Variants in ST6GALNAC3 observed in about 807,000 individuals in gnomAD.
ST6GALNAC3 encodes ST6 N-acetylgalactosaminide alpha-2,6-sialyltransferase 3, also known as alpha-N-acetylgalactosaminide alpha-2,6-sialyltransferase 3.
ST6GALNAC3 carries 25 observed loss-of-function variants against 32.7 expected under a neutral mutation model. That is an observed-to-expected ratio of 0.76 (90% CI 0.56 to 1.07). The LOEUF (loss-of-function observed/expected upper bound fraction) is 1.07. ST6GALNAC3 is among the 50% of genes least tolerant of loss of function. The pLI is 0.00. For missense variants in ST6GALNAC3, 355 were observed against 382.4 expected (o/e 0.93, Z 0.60); for synonymous variants, 129 against 133.1 (o/e 0.97, Z 0.21).
intron 1 of ST6GALNAC3, among the ~76,000 whole-genome samples, chr1:76,186,752 G>T (rs60164283): frequency 6.6e-6 from 1 of 152,050 alleles, no homozygotes; most frequent in Non-Finnish European, 1.5e-5. Flanking sequence ...CTGCAGCCTC[G>T]TGAGGGGCCC....
chr1:76,540,597 T>A (rs1157282987), intron 3 of ST6GALNAC3, among the ~76,000 whole-genome samples: 2 of 152,160 alleles, frequency 1.3e-5, no homozygotes, highest in African/African-American at 4.8e-5. Flanking sequence ...TGTTATTCTG[T>A]GTTGTGGGGC....
intron 3 of ST6GALNAC3, among the ~76,000 whole-genome samples, chr1:76,612,927 C>T (rs1648030591): frequency 6.6e-6 from 1 of 152,204 alleles, no homozygotes; most frequent in Non-Finnish European, 1.5e-5. Flanking sequence ...CGGAGAACTA[C>T]AGAAGCTTTC....
intron 2 of ST6GALNAC3, among the ~76,000 whole-genome samples, chr1:76,317,254 A>C (rs1646882364): frequency 6.6e-6 from 1 of 152,052 alleles, no homozygotes; most frequent in Non-Finnish European, 1.5e-5. Context: ...CCATGCTCTT[A>C]CTCCCAAATG....
intron 3 of ST6GALNAC3, among the ~76,000 whole-genome samples, chr1:76,603,152 T>A (rs1330417140): frequency 6.6e-6 from 1 of 152,176 alleles, no homozygotes; most frequent in South Asian, 2.1e-4. Context: ...TTGGTCCCAA[T>A]CCCTTGGAAA....
intron 3 of ST6GALNAC3, among the ~76,000 whole-genome samples, chr1:76,478,760 C>CTATTTT (rs1156304188): frequency 9.2e-6 from 1 of 109,088 alleles, no homozygotes; most frequent in African/African-American, 3.7e-5. Context: ...TTTATTAATT[C>CTATTTT]TTTTTTTTTT....
intron 1 of ST6GALNAC3, among the ~76,000 whole-genome samples, chr1:76,157,488 C>T (rs535383534): frequency 3.9e-5 from 6 of 152,172 alleles, no homozygotes; most frequent in Non-Finnish European, 7.3e-5. Flanking sequence ...TGCTTGTGTA[C>T]GGTTTATTTT....
At chr1:76,366,356 C>CTA (rs371083939) in intron 2 of ST6GALNAC3, among the ~76,000 whole-genome samples, 22 of 152,196 alleles carry the variant, frequency 1.4e-4, no homozygotes, top group African/African-American at 5.1e-4. Flanking sequence ...GAAGTACATA[C>CTA]TATTTATCTG....
chr1:76,558,686 A>G (rs1474556671), intron 3 of ST6GALNAC3, among the ~76,000 whole-genome samples: 1 of 152,196 alleles, frequency 6.6e-6, no homozygotes, highest in Non-Finnish European at 1.5e-5. Context: ...TTTGTACACC[A>G]AAGTTTAGTG....
chr1:76,304,303 G>A (rs896818788), intron 1 of ST6GALNAC3, among the ~76,000 whole-genome samples: 1 of 151,694 alleles, frequency 6.6e-6, no homozygotes, highest in Admixed American at 6.6e-5. Context: ...CAAAATTAAG[G>A]GGGAATCTTT....
chr1:76,112,597 C>G (rs543225326), intron 1 of ST6GALNAC3, among the ~76,000 whole-genome samples: 1 of 151,376 alleles, frequency 6.6e-6, no homozygotes, highest in Non-Finnish European at 1.5e-5. Context: ...GGCTGCCGCG[C>G]GGAGGGGCTC....
chr1:76,627,187 A>G (rs78454188), intron 3 of ST6GALNAC3, among the ~76,000 whole-genome samples: 1 of 151,980 alleles, frequency 6.6e-6, no homozygotes, highest in East Asian at 1.9e-4. Context: ...ATTTGACTTC[A>G]GATATTTGCT....
At chr1:76,207,576 A>G (rs1431634255) in intron 1 of ST6GALNAC3, among the ~76,000 whole-genome samples, 1 of 152,196 alleles carries the variant, frequency 6.6e-6, no homozygotes, top group Non-Finnish European at 1.5e-5. Flanking sequence ...CAAACATGTG[A>G]GATAGAAATG....
chr1:76,495,418 G>A (rs750832792), intron 3 of ST6GALNAC3, among the ~76,000 whole-genome samples: 2 of 152,040 alleles, frequency 1.3e-5, no homozygotes, highest in Non-Finnish European at 2.9e-5. Flanking sequence ...AAACAAAGTT[G>A]CAAAAAGTGT....
chr1:76,164,628 T>A (rs1248877514), intron 1 of ST6GALNAC3, among the ~76,000 whole-genome samples: 1 of 152,182 alleles, frequency 6.6e-6, no homozygotes, highest in Non-Finnish European at 1.5e-5. Context: ...TCAGGTGGAT[T>A]TTAAAACATT....
chr1:76,460,188 G>A (rs1461911695), intron 3 of ST6GALNAC3, among the ~76,000 whole-genome samples: 1 of 151,950 alleles, frequency 6.6e-6, no homozygotes, highest in Admixed American at 6.5e-5. Context: ...TCAGTGAGAG[G>A]TAGAATCTCA....
At chr1:76,434,690 T>C (rs1318607405) in intron 3 of ST6GALNAC3, among the ~76,000 whole-genome samples, 3 of 152,090 alleles carry the variant, frequency 2.0e-5, no homozygotes, top group Non-Finnish European at 4.4e-5. Flanking sequence ...AGTATCTTCA[T>C]GTTAAATTAA....
intron 1 of ST6GALNAC3, among the ~76,000 whole-genome samples, chr1:76,099,772 A>T (rs1431326859): frequency 1.3e-5 from 2 of 152,164 alleles, no homozygotes; most frequent in Non-Finnish European, 2.9e-5. Context: ...AAATGTATAT[A>T]TTTTATTGTA....
intron 1 of ST6GALNAC3, among the ~76,000 whole-genome samples, chr1:76,215,304 G>A (rs1655391680): frequency 6.6e-6 from 1 of 152,196 alleles, no homozygotes; most frequent in Non-Finnish European, 1.5e-5. Context: ...CAACAGACTT[G>A]TGGATTAAAA....
intron 3 of ST6GALNAC3, among the ~76,000 whole-genome samples, chr1:76,456,546 G>C (rs1414983983): frequency 6.6e-6 from 1 of 151,926 alleles, no homozygotes; most frequent in Non-Finnish European, 1.5e-5. Flanking sequence ...AATCTTAAAA[G>C]TTCAGGCAAA....
Sources: allele counts gnomAD v4.1 joint callset (sites outside exome capture counted in the v4.1 genomes callset), GRCh38; gene constraint gnomAD v4.1.1; transcripts MANE v1.5; gene names NCBI Gene and HGNC (gene_info 2026-07-23, HGNC 2026-07-21).